Variants in MEOX2 observed in about 807,000 individuals in gnomAD.
MEOX2 encodes mesenchyme homeobox 2.
Under a neutral mutation model 27.0 loss-of-function variants are expected in MEOX2, and 11 were observed. That is an observed-to-expected ratio of 0.41 (90% CI 0.26 to 0.68). MEOX2 has a LOEUF of 0.68. MEOX2 is among the 30% of genes least tolerant of loss of function. MEOX2 has a pLI of 0.33. For missense variants in MEOX2, 436 were observed against 385.4 expected (o/e 1.13, Z -1.10); for synonymous variants, 189 against 155.4 (o/e 1.22, Z -1.61).
chr7:15,626,957 T>G, intron 1 of MEOX2, 39 bp from the exon 2 acceptor site: 1 of 1,570,850 alleles, frequency 6.4e-7, no homozygotes, highest in Non-Finnish European at 8.8e-7. Flanking sequence ...ATAACTCATT[T>G]ATTCAAACAC....
chr7:15,648,429 A>G (rs867419974), intron 1 of MEOX2, among the ~76,000 whole-genome samples: 4 of 152,122 alleles, frequency 2.6e-5, no homozygotes, highest in South Asian at 2.1e-4. Context: ...ATCCCAGAGT[A>G]TACAAAAGAG....
chr7:15,643,507 C>T (rs938850560), intron 1 of MEOX2, among the ~76,000 whole-genome samples: 10 of 152,204 alleles, frequency 6.6e-5, no homozygotes, highest in East Asian at 2.0e-4. Flanking sequence ...GAGGGGGCTG[C>T]GGTTTGCAGC....
At chr7:15,682,384 T>C (rs138169158) in intron 1 of MEOX2, among the ~76,000 whole-genome samples, 163 of 151,946 alleles carry the variant, frequency 1.1e-3, no homozygotes, top group African/African-American at 3.7e-3. Flanking sequence ...TTAAATGTAA[T>C]ATTTGCTAGT....
chr7:15,627,502 T>C (rs921771860), intron 1 of MEOX2, among the ~76,000 whole-genome samples: 1 of 152,070 alleles, frequency 6.6e-6, no homozygotes, highest in Non-Finnish European at 1.5e-5. Context: ...TAGTCCAACA[T>C]GGAATCTATA....
intron 1 of MEOX2, among the ~76,000 whole-genome samples, chr7:15,657,505 G>A (rs1468048218): frequency 6.6e-6 from 1 of 151,986 alleles, no homozygotes. Context: ...ATTTTGGCTA[G>A]TATATTTTTA....
At chr7:15,646,164 T>G (rs1055690356) in intron 1 of MEOX2, among the ~76,000 whole-genome samples, 2 of 152,090 alleles carry the variant, frequency 1.3e-5, no homozygotes, top group Non-Finnish European at 2.9e-5. Flanking sequence ...CTGATAGTTT[T>G]AACATCTCTC....
chr7:15,628,860 T>C (rs752146670), intron 1 of MEOX2, among the ~76,000 whole-genome samples: 32 of 152,136 alleles, frequency 2.1e-4, no homozygotes, highest in Non-Finnish European at 3.7e-4. Flanking sequence ...GGGCTGTTCT[T>C]GCAGCCTGCA....
intron 1 of MEOX2, among the ~76,000 whole-genome samples, chr7:15,674,943 A>T (rs183730743): frequency 9.5e-4 from 145 of 152,062 alleles, no homozygotes; most frequent in Non-Finnish European, 1.6e-3. Context: ...GTTTTCTAAA[A>T]CTGGGGATAA....
At chr7:15,655,627 C>A (rs1433626116) in intron 1 of MEOX2, among the ~76,000 whole-genome samples, 1 of 151,476 alleles carries the variant, frequency 6.6e-6, no homozygotes, top group African/African-American at 2.4e-5. Flanking sequence ...CCTTTTTGAC[C>A]CATAATATTT....
At chr7:15,626,270 A>T (rs925387429) in intron 2 of MEOX2, among the ~76,000 whole-genome samples, 9 of 152,086 alleles carry the variant, frequency 5.9e-5, no homozygotes, top group African/African-American at 2.2e-4. Flanking sequence ...GGACATGTAG[A>T]GTTTGTATGG....
intron 1 of MEOX2, among the ~76,000 whole-genome samples, chr7:15,672,110 CA>C (rs112306729): frequency 0.022 from 3,263 of 151,420 alleles, 131 homozygotes; most frequent in African/African-American, 0.075. Flanking sequence ...ACAAAAAAAA[CA>C]AAAAAACAAA....
chr7:15,637,963 G>A (rs1345605612), intron 1 of MEOX2, among the ~76,000 whole-genome samples: 1 of 152,022 alleles, frequency 6.6e-6, no homozygotes, highest in Non-Finnish European at 1.5e-5. Context: ...TGTACCAGGA[G>A]TAGGATGGTA....
intron 1 of MEOX2, among the ~76,000 whole-genome samples, chr7:15,632,893 G>A (rs540937341): frequency 6.6e-6 from 1 of 152,010 alleles, no homozygotes; most frequent in South Asian, 2.1e-4. Flanking sequence ...AACAAAACAA[G>A]GCACTTGTGC....
intron 2 of MEOX2, among the ~76,000 whole-genome samples, chr7:15,625,663 A>C (rs1781291811): frequency 6.6e-6 from 1 of 152,154 alleles, no homozygotes; most frequent in African/African-American, 2.4e-5. Context: ...TAGCCCTAAG[A>C]GTGCCAATCA....
chr7:15,632,717 C>G (rs976526944), intron 1 of MEOX2, among the ~76,000 whole-genome samples: 2 of 151,910 alleles, frequency 1.3e-5, no homozygotes, highest in Non-Finnish European at 2.9e-5. Context: ...GCACTTAACA[C>G]AAAAACAAAA....
intron 2 of MEOX2, among the ~76,000 whole-genome samples, chr7:15,621,071 C>G (rs1294241206): frequency 6.6e-6 from 1 of 152,094 alleles, no homozygotes; most frequent in Admixed American, 6.6e-5. Context: ...GAAAAAAACG[C>G]CAGAATAAGC....
chr7:15,626,700 C>A lies in MEOX2; in HGVS notation c.690+46G>T, dbSNP rs1291191600. 1.1e-5 allele frequency: 15 copies of A among 1,426,996 alleles called. No individual in the cohort carries two copies. The East Asian group carries it at 1.8e-4, about 17-fold the overall frequency. The allele number at this position is 1,426,996 out of a possible 1,614,324, so 88.4% of individuals were successfully genotyped here. ...AAATATGGCAAAGAAGACTGTGGAC[C>A]CAGGGCAATTAAAAAAGATCATATA... On this transcript the variant is annotated intron_variant, in intron 2 of 2. Coordinates refer to ENST00000262041, the MANE Select transcript of MEOX2 (RefSeq NM_005924.5).
intron 1 of MEOX2, among the ~76,000 whole-genome samples, chr7:15,652,952 A>G (rs1781756370): frequency 6.6e-6 from 1 of 152,048 alleles, no homozygotes; most frequent in African/African-American, 2.4e-5. Context: ...ATGCACAGAT[A>G]TTTGTATAAA....
At chr7:15,635,391 T>A (rs1204497171) in intron 1 of MEOX2, among the ~76,000 whole-genome samples, 4 of 152,006 alleles carry the variant, frequency 2.6e-5, no homozygotes, top group Non-Finnish European at 5.9e-5. Flanking sequence ...TCAAACAGAA[T>A]CTTGAGTACC....
Sources: allele counts gnomAD v4.1 joint callset (sites outside exome capture counted in the v4.1 genomes callset), GRCh38; gene constraint gnomAD v4.1.1; transcripts MANE v1.5; gene names NCBI Gene and HGNC (gene_info 2026-07-23, HGNC 2026-07-21).